Variants in ACTR3C observed in about 807,000 individuals in gnomAD.
The protein encoded by ACTR3C is actin-related protein 3C.
ACTR3C carries 18 observed loss-of-function variants against 26.3 expected under a neutral mutation model. The observed-to-expected ratio is 0.68, with a 90% CI of 0.47 to 1.01. The LOEUF is 1.01. Among genes scored for constraint, ACTR3C ranks in the 50% least tolerant of loss-of-function variants. ACTR3C has a pLI of 0.00. For missense variants in ACTR3C, 184 were observed against 250.7 expected (o/e 0.73, Z 1.80); for synonymous variants, 55 against 94.5 (o/e 0.58, Z 2.42).
chr7:149,920,412 T>A, the ACTR3C span, among the ~76,000 whole-genome samples: 3 of 150,950 alleles, frequency 2.0e-5, no homozygotes, highest in Non-Finnish European at 4.4e-5. Flanking sequence ...ATTCACACTA[T>A]CCTCCCACCT....
chr7:149,896,189 AAAAC>A, the ACTR3C span, among the ~76,000 whole-genome samples: 4 of 152,282 alleles, frequency 2.6e-5, no homozygotes, highest in Non-Finnish European at 5.9e-5. Flanking sequence ...AGTCACAGAC[AAAAC>A]AAACAAAGAA....
the ACTR3C span, among the ~76,000 whole-genome samples, chr7:149,969,958 G>A: frequency 1.3e-5 from 2 of 152,166 alleles, no homozygotes; most frequent in Non-Finnish European, 2.9e-5. Context: ...GGGGTGGGAA[G>A]AGCAAAAGAG....
intron 1 of ACTR3C, among the ~76,000 whole-genome samples, chr7:150,314,327 C>T (rs1350412264): frequency 1.3e-5 from 2 of 152,176 alleles, no homozygotes; most frequent in Non-Finnish European, 2.9e-5. Flanking sequence ...ATTTAATACA[C>T]CTTAGAAAAT....
chr7:150,091,865 G>GT, the ACTR3C span, among the ~76,000 whole-genome samples: 89 of 150,552 alleles, frequency 5.9e-4, no homozygotes, highest in Non-Finnish European at 1.2e-3. Flanking sequence ...GCGGGCGCCT[G>GT]TAGTCCCAGC....
At chr7:150,169,060 T>G in the ACTR3C span, among the ~76,000 whole-genome samples, 2 of 150,406 alleles carry the variant, frequency 1.3e-5, no homozygotes, top group Non-Finnish European at 2.9e-5. Context: ...AAGATGGGGC[T>G]CCCATGATGG....
At chr7:149,925,677 C>T in the ACTR3C span, among the ~76,000 whole-genome samples, 1 of 151,964 alleles carries the variant, frequency 6.6e-6, no homozygotes, top group Non-Finnish European at 1.5e-5. Flanking sequence ...AAGTGGATCC[C>T]ACTGGGTCCA....
chr7:149,982,435 C>T, the ACTR3C span, among the ~76,000 whole-genome samples: 1 of 152,032 alleles, frequency 6.6e-6, no homozygotes, highest in Non-Finnish European at 1.5e-5. Flanking sequence ...TTGTGTCAAG[C>T]TCAGGACTTG....
chr7:150,034,444 G>T, the ACTR3C span, among the ~76,000 whole-genome samples: 20 of 151,460 alleles, frequency 1.3e-4, no homozygotes, highest in African/African-American at 4.6e-4. Context: ...ACTTGCTGTT[G>T]TTGGGATCCC....
At chr7:149,904,934 G>A in the ACTR3C span, among the ~76,000 whole-genome samples, 1 of 151,904 alleles carries the variant, frequency 6.6e-6, no homozygotes, top group African/African-American at 2.4e-5. Flanking sequence ...GCTGAGGCAG[G>A]AGAATCATTT....
At chr7:150,171,665 A>G in the ACTR3C span, among the ~76,000 whole-genome samples, 5 of 150,644 alleles carry the variant, frequency 3.3e-5, no homozygotes, top group Middle Eastern at 6.8e-3. Flanking sequence ...AATTAGGAAA[A>G]TAATGGAGAA....
At chr7:150,314,202 G>A (rs953526343) in intron 1 of ACTR3C, among the ~76,000 whole-genome samples, 15 of 152,210 alleles carry the variant, frequency 9.9e-5, no homozygotes, top group African/African-American at 3.1e-4. Context: ...GGCAGGAGCC[G>A]AAGGGATCTG....
At chr7:150,314,785 A>C (rs889728831) in intron 1 of ACTR3C, among the ~76,000 whole-genome samples, 61 of 149,034 alleles carry the variant, frequency 4.1e-4, no homozygotes, top group African/African-American at 8.3e-4. Flanking sequence ...AAAAAAAAAA[A>C]AACAACAACA....
chr7:150,030,021 T>C, the ACTR3C span, among the ~76,000 whole-genome samples: 1 of 136,748 alleles, frequency 7.3e-6, no homozygotes, highest in African/African-American at 2.8e-5. Context: ...CTCGCTCCCA[T>C]GGGCTCCTTT....
At chr7:150,269,100 C>T (rs1364935957) in intron 6 of ACTR3C, among the ~76,000 whole-genome samples, 362 of 29,042 alleles carry the variant, frequency 0.012, 19 homozygotes, top group African/African-American at 0.07. Flanking sequence ...GCAACTCTTT[C>T]CCCTCACCCC....
At chr7:149,979,074 A>T in the ACTR3C span, among the ~76,000 whole-genome samples, 1 of 152,154 alleles carries the variant, frequency 6.6e-6, no homozygotes, top group Admixed American at 6.5e-5. Flanking sequence ...TGCATCTCCT[A>T]CATCCTATCC....
At chr7:150,291,259 C>T (rs998716997) in intron 3 of ACTR3C, among the ~76,000 whole-genome samples, 2 of 152,126 alleles carry the variant, frequency 1.3e-5, no homozygotes, top group African/African-American at 2.4e-5. Flanking sequence ...GGAGAAACCC[C>T]ATCTCTACTA....
the ACTR3C span, among the ~76,000 whole-genome samples, chr7:150,025,519 C>T: frequency 6.6e-6 from 1 of 151,994 alleles, no homozygotes; most frequent in Non-Finnish European, 1.5e-5. Flanking sequence ...CTCTCTTTTC[C>T]CCAGCAGTAA....
the ACTR3C span, chr7:150,076,633 A>C: frequency 6.6e-6 from 1 of 152,182 alleles, no homozygotes; most frequent in Non-Finnish European, 1.5e-5. Flanking sequence ...TAGCACCAGA[A>C]GCTCCCAGAA....
chr7:150,034,857 T>TG, the ACTR3C span, among the ~76,000 whole-genome samples: 1 of 114,256 alleles, frequency 8.8e-6, no homozygotes, highest in Non-Finnish European at 1.8e-5. Flanking sequence ...TAAGAGCCAG[T>TG]GGGGGAACAG....
Sources: gnomAD v4.1 joint callset for allele counts (sites outside exome capture counted in the v4.1 genomes callset) on GRCh38, gnomAD v4.1.1 for gene constraint, MANE v1.5 for transcripts, NCBI Gene and HGNC (gene_info 2026-07-23, HGNC 2026-07-21) for gene names.